CCDC150: variants seen among roughly 807,000 people sequenced by gnomAD.
The protein encoded by CCDC150 is coiled-coil domain containing 150, also known as coiled-coil domain-containing protein 150.
CCDC150 carries 151 observed loss-of-function variants against 156.5 expected under a neutral mutation model. The observed-to-expected ratio is 0.97, with a 90% CI of 0.85 to 1.10. CCDC150 has a LOEUF of 1.10. Ranked by LOEUF, CCDC150 falls within the 50% of genes least tolerant of loss-of-function variation. The pLI, the probability that CCDC150 is intolerant of heterozygous loss-of-function variation, is 0.00. For synonymous variants in CCDC150, 452 were observed against 429.4 expected, an observed-to-expected ratio of 1.05 and a Z score of -0.65; for missense variants, 1,312 against 1,268.1, an observed-to-expected ratio of 1.03 and a Z score of -0.53.
chr2:196,689,525 G>C (rs1289650369), intron 13 of CCDC150, among the ~76,000 whole-genome samples: 55 of 151,768 alleles, frequency 3.6e-4, no homozygotes, highest in South Asian at 1.9e-3. Flanking sequence ...TGGGAGTTCA[G>C]TCATGATTTG....
At chr2:196,687,981 A>G (rs182147640) in intron 13 of CCDC150, among the ~76,000 whole-genome samples, 1 of 152,096 alleles carries the variant, frequency 6.6e-6, no homozygotes, top group Non-Finnish European at 1.5e-5. Context: ...TACCAGTACC[A>G]TGCATGCTGT....
rs147518980 is a variant in CCDC150 at position 196,645,014 on chromosome 2, C to T, written c.13-1327C>T. ...TGGCACATAACTGTAATCTCAGCTA[C>T]CCGAGAGGCTGAGGTGGGAGGATTG... On this transcript the variant is annotated intron_variant, in intron 1 of 27. Coordinates refer to ENST00000389175, the MANE Select transcript of CCDC150 (RefSeq NM_001080539.2). Among the ~76,000 whole-genome samples, 168 of 151,874 alleles carry T rather than the reference C, an allele frequency of 1.1e-3. 1 individual carries two copies. The East Asian group carries it at 0.019, about 17-fold the overall frequency.
At chr2:196,699,589 G>A (rs189795776) in intron 14 of CCDC150, among the ~76,000 whole-genome samples, 4 of 151,508 alleles carry the variant, frequency 2.6e-5, no homozygotes, top group Admixed American at 1.3e-4. Flanking sequence ...GCACCATCAC[G>A]GCTCAGTGTA....
At chr2:196,690,969 GT>G (rs1277656411) in intron 13 of CCDC150, among the ~76,000 whole-genome samples, 2 of 152,122 alleles carry the variant, frequency 1.3e-5, no homozygotes, top group Non-Finnish European at 2.9e-5. Flanking sequence ...TAATCATGTG[GT>G]TTTTCTCTTT....
chr2:196,678,657 C>G (rs149331938), intron 13 of CCDC150, among the ~76,000 whole-genome samples: 1,997 of 152,134 alleles, frequency 0.013, 17 homozygotes, highest in Middle Eastern at 0.024. Flanking sequence ...AATCCCAGCA[C>G]GTTGGGAGGC....
At chr2:196,673,794 G>T (rs914641874) in intron 9 of CCDC150, among the ~76,000 whole-genome samples, 6 of 152,100 alleles carry the variant, frequency 3.9e-5, no homozygotes, top group African/African-American at 1.4e-4. Context: ...TCTCGTGATG[G>T]TAAAATCATC....
chr2:196,720,084 G>T, intron 19 of CCDC150: 1 of 391,006 alleles, frequency 2.6e-6, no homozygotes, highest in Admixed American at 3.5e-5. Context: ...ATTATTTTAG[G>T]TGAATCATTC....
chr2:196,695,075 G>T lies in CCDC150; in HGVS notation c.1539G>T (p.Leu513=), dbSNP rs1177451558. ...ACATAAATACATTAACTCATAACCT[G>T]CAGACTCTTGAAGAAGAGAATAAGC... ...KVDINTLTHN[L]QTLEEENKHL... Residue 513 remains leucine (L), a synonymous_variant, in exon 14 of 28, where the codon CTG becomes CTT. Transcript: ENST00000389175. The T allele has an allele frequency of 6.2e-7, 1 of 1,609,032 alleles. No homozygotes were observed. The highest frequency in any genetic ancestry group is 1.3e-5 in the African/African-American group (1 of 74,700).
intron 13 of CCDC150, among the ~76,000 whole-genome samples, chr2:196,680,966 A>G (rs187192232): frequency 2.0e-5 from 3 of 152,336 alleles, no homozygotes; most frequent in East Asian, 1.9e-4. Context: ...TGAAATTCAC[A>G]TAATATAAAA....
chr2:196,642,524 T>A (rs1692289677), intron 1 of CCDC150, among the ~76,000 whole-genome samples: 1 of 152,188 alleles, frequency 6.6e-6, no homozygotes, highest in Admixed American at 6.5e-5. Context: ...TGAAAGTTCT[T>A]ATCTCATACT....
chr2:196,694,716 G>C (rs1253348198), intron 13 of CCDC150, among the ~76,000 whole-genome samples: 1 of 152,062 alleles, frequency 6.6e-6, no homozygotes, highest in Non-Finnish European at 1.5e-5. Context: ...ACAAAAATTA[G>C]CTGGGCATGG....
At chr2:196,715,013 T>C (rs1697406965) in intron 17 of CCDC150, among the ~76,000 whole-genome samples, 1 of 152,148 alleles carries the variant, frequency 6.6e-6, no homozygotes, top group Non-Finnish European at 1.5e-5. Context: ...TTGAGGTAGA[T>C]GTGGGGAAAA....
At chr2:196,712,111 T>A (rs565954998) in intron 15 of CCDC150, 34 bp from the exon 16 acceptor site, 225 of 1,069,034 alleles carry the variant, frequency 2.1e-4, no homozygotes, top group African/African-American at 1.1e-3. Flanking sequence ...TTTTATTTTT[T>A]AAAATTTTTT....
intron 27 of CCDC150, 28 bp downstream of exon 27, chr2:196,732,180 C>A: frequency 1.2e-6 from 2 of 1,612,552 alleles, no homozygotes; most frequent in Non-Finnish European, 1.7e-6. Flanking sequence ...ATGTCTTAAG[C>A]AATTTTCTAC....
At chr2:196,701,051 G>T in intron 14 of CCDC150, 58 bp from the exon 15 acceptor site, 1 of 1,113,572 alleles carries the variant, frequency 9.0e-7, no homozygotes, top group South Asian at 1.4e-5. Context: ...GTTTAAAAAT[G>T]AAAATGGTTA....
At chr2:196,682,980 C>T (rs891979806) in intron 13 of CCDC150, among the ~76,000 whole-genome samples, 2 of 152,040 alleles carry the variant, frequency 1.3e-5, no homozygotes, top group African/African-American at 4.8e-5. Flanking sequence ...GATAGTTTCA[C>T]TTCTTCCTTT....
chr2:196,720,839 G>A (rs1171223772), intron 20 of CCDC150, among the ~76,000 whole-genome samples, 171 bp downstream of exon 20: 2 of 152,070 alleles, frequency 1.3e-5, no homozygotes, highest in Non-Finnish European at 2.9e-5. Context: ...CTTACAATGA[G>A]TCACTTATTG....
intron 17 of CCDC150, among the ~76,000 whole-genome samples, chr2:196,715,700 G>C (rs1160571770): frequency 6.6e-6 from 1 of 152,062 alleles, no homozygotes; most frequent in East Asian, 1.9e-4. Context: ...CTCACAAAAT[G>C]TATAAAAATT....
Position 196,712,112 on chromosome 2 carries a change from A to G in CCDC150, c.1696-33A>G, listed in dbSNP as rs200274095. 1.3e-5 allele frequency: 14 copies of G among 1,073,366 alleles called. No individual in the cohort carries two copies. The South Asian group carries it at 2.3e-4, about 17-fold the overall frequency. The allele number at this position is 1,073,366 out of a possible 1,614,324, so 66.5% of individuals were successfully genotyped here. A position where few individuals can be genotyped will look rare whatever the true frequency, so the allele number is the denominator to read the frequency against. ...TATATGTTTAAATGTTTTATTTTTT[A>G]AAATTTTTTTTGTATTTTTGTTTTT... On this transcript the variant is annotated intron_variant, in intron 15 of 27. Transcript: ENST00000389175.
Sources: allele counts gnomAD v4.1 joint callset (sites outside exome capture counted in the v4.1 genomes callset), GRCh38; gene constraint gnomAD v4.1.1; transcripts MANE v1.5; gene names NCBI Gene and HGNC (gene_info 2026-07-23, HGNC 2026-07-21).